The following NCKAP5 variants were observed in gnomAD, a reference collection of about 807,000 sequenced individuals.
NCKAP5 encodes NCK associated protein 5.
Under a neutral mutation model 167.0 loss-of-function variants are expected in NCKAP5, and 92 were observed. The observed-to-expected ratio is 0.55, with a 90% CI of 0.47 to 0.66. The LOEUF (loss-of-function observed/expected upper bound fraction) is 0.66, where lower values mean the gene tolerates loss of function less well. NCKAP5 is among the 30% of genes least tolerant of loss of function. The pLI, the probability that NCKAP5 is intolerant of heterozygous loss-of-function variation, is 0.00. For synonymous variants in NCKAP5, 891 were observed against 877.4 expected (o/e 1.02, Z -0.27); for missense variants, 2,378 against 2,315.0 (o/e 1.03, Z -0.56).
intron 2 of NCKAP5, among the ~76,000 whole-genome samples, chr2:133,532,233 A>G (rs1288341970): frequency 2.0e-5 from 3 of 152,230 alleles, no homozygotes; most frequent in African/African-American, 7.2e-5. Flanking sequence ...GTTTACCCCA[A>G]TTCCAAAAGA....
chr2:132,886,448 AT>A (rs1387609322), intron 8 of NCKAP5, among the ~76,000 whole-genome samples: 1 of 152,200 alleles, frequency 6.6e-6, no homozygotes, highest in Non-Finnish European at 1.5e-5. Context: ...CATTGATGCA[AT>A]AGCCTAATCT....
At chr2:132,901,143 A>C (rs1440462575) in intron 8 of NCKAP5, among the ~76,000 whole-genome samples, 1 of 152,144 alleles carries the variant, frequency 6.6e-6, no homozygotes, top group Non-Finnish European at 1.5e-5. Context: ...ATTTGGTATT[A>C]AGTGAATCAA....
At chr2:133,002,376 A>G (rs1365659728) in intron 6 of NCKAP5, among the ~76,000 whole-genome samples, 1 of 152,240 alleles carries the variant, frequency 6.6e-6, no homozygotes, top group Non-Finnish European at 1.5e-5. Flanking sequence ...ATAATCAAAT[A>G]GAATAATTAT....
chr2:133,242,886 C>T (rs1304147791), intron 4 of NCKAP5, among the ~76,000 whole-genome samples: 2 of 152,188 alleles, frequency 1.3e-5, no homozygotes, highest in African/African-American at 4.8e-5. Flanking sequence ...TACAAAAGAT[C>T]AGAGCATGAT....
chr2:133,457,534 T>C (rs979093941), intron 3 of NCKAP5, among the ~76,000 whole-genome samples: 2 of 152,152 alleles, frequency 1.3e-5, no homozygotes, highest in African/African-American at 2.4e-5. Context: ...AGGATGAGTG[T>C]AAAATATTTA....
intron 4 of NCKAP5, among the ~76,000 whole-genome samples, chr2:133,300,449 C>G (rs1680305743): frequency 9.9e-6 from 1 of 100,956 alleles, no homozygotes; most frequent in Admixed American, 9.4e-5. Flanking sequence ...TGGGCTTCAT[C>G]CCTGGGATGC....
chr2:132,852,753 A>G (rs1289876886), intron 11 of NCKAP5, among the ~76,000 whole-genome samples: 2 of 152,184 alleles, frequency 1.3e-5, no homozygotes, highest in East Asian at 1.9e-4. Context: ...GCAAACTCCT[A>G]TTTATTCTTC....
intron 8 of NCKAP5, chr2:132,931,116 A>G (rs1454141554): frequency 6.6e-6 from 1 of 152,210 alleles, no homozygotes; most frequent in Non-Finnish European, 1.5e-5. Context: ...CACAACAGAA[A>G]AATAGTGTGC....
rs924023891 is a variant in NCKAP5, at chr2:133,514,897, T to C, written c.69+2561A>G. Among the ~76,000 whole-genome samples the C allele has an allele frequency of 3.3e-5, 5 of 152,052 alleles. No individual in the cohort carries two copies. The East Asian group carries it at 5.8e-4, about 18-fold the overall frequency. Reference sequence around the variant, plus strand: ...CAGTCTGCAAAGTGAGGAGACGAGATAACCGATTTTCACTTTAGCATTCTA... The same window carrying C: ...CAGTCTGCAAAGTGAGGAGACGAGACAACCGATTTTCACTTTAGCATTCTA... On this transcript the variant is annotated intron_variant, in intron 3 of 19. Transcript: ENST00000409261.
chr2:133,390,195 TG>T (rs763024695), intron 3 of NCKAP5, among the ~76,000 whole-genome samples: 3 of 152,220 alleles, frequency 2.0e-5, no homozygotes, highest in Non-Finnish European at 4.4e-5. Context: ...TCCATGCCTG[TG>T]TATATGTCGC....
At chr2:133,459,284 G>A (rs909606781) in intron 3 of NCKAP5, among the ~76,000 whole-genome samples, 2 of 152,116 alleles carry the variant, frequency 1.3e-5, no homozygotes, top group Non-Finnish European at 2.9e-5. Flanking sequence ...GGCCTCAGGT[G>A]ATCCTCCTGC....
chr2:133,590,365 A>C, the NCKAP5 span, among the ~76,000 whole-genome samples: 1 of 149,842 alleles, frequency 6.7e-6, no homozygotes, highest in Non-Finnish European at 1.5e-5. Flanking sequence ...TCTCTACTAA[A>C]AATACAAAAA....
chr2:133,438,991 G>C (rs1378628725), intron 3 of NCKAP5, among the ~76,000 whole-genome samples: 3 of 152,162 alleles, frequency 2.0e-5, no homozygotes, highest in Non-Finnish European at 2.9e-5. Context: ...TGACCAGCAG[G>C]CATGATAACT....
the NCKAP5 span, among the ~76,000 whole-genome samples, chr2:133,653,328 T>C: frequency 6.6e-6 from 1 of 152,218 alleles, no homozygotes; most frequent in Non-Finnish European, 1.5e-5. Flanking sequence ...AGTTGCTCTA[T>C]AATTGTTCTC....
chr2:133,541,003 G>C (rs988264468), intron 2 of NCKAP5, among the ~76,000 whole-genome samples: 2 of 150,064 alleles, frequency 1.3e-5, no homozygotes, highest in Non-Finnish European at 3.0e-5. Context: ...ACACGATAAG[G>C]TCTTAGTGTT....
intron 3 of NCKAP5, among the ~76,000 whole-genome samples, chr2:133,480,627 A>C (rs1308555197): frequency 6.6e-6 from 1 of 152,066 alleles, no homozygotes; most frequent in East Asian, 1.9e-4. Context: ...AGACAATTCT[A>C]CTCTTCAGAA....
intron 11 of NCKAP5, among the ~76,000 whole-genome samples, chr2:132,837,634 C>T (rs1389946550): frequency 6.6e-6 from 1 of 151,836 alleles, no homozygotes; most frequent in Non-Finnish European, 1.5e-5. Context: ...CCTCTGGGTT[C>T]CTTTTCTCCA....
At chr2:132,832,218 C>G (rs1687575730) in intron 11 of NCKAP5, among the ~76,000 whole-genome samples, 1 of 151,998 alleles carries the variant, frequency 6.6e-6, no homozygotes, top group Non-Finnish European at 1.5e-5. Context: ...ATTATTGAGT[C>G]TTCCCATGCA....
intron 3 of NCKAP5, among the ~76,000 whole-genome samples, chr2:133,310,748 A>G (rs1681175356): frequency 6.6e-6 from 1 of 152,170 alleles, no homozygotes; most frequent in Non-Finnish European, 1.5e-5. Context: ...CAAGCACTCA[A>G]AGGTGTGTTA....
Sources: gnomAD v4.1 joint callset for allele counts (sites outside exome capture counted in the v4.1 genomes callset) on GRCh38, gnomAD v4.1.1 for gene constraint, MANE v1.5 for transcripts, NCBI Gene and HGNC (gene_info 2026-07-23, HGNC 2026-07-21) for gene names.